Variants in PRDM5 observed in about 807,000 individuals in gnomAD.
The protein encoded by PRDM5 is PR/SET domain 5, also known as PR domain zinc finger protein 5.
Under a neutral mutation model 81.2 loss-of-function variants are expected in PRDM5, and 56 were observed. The observed-to-expected ratio is 0.69, with a 90% CI of 0.56 to 0.86. The LOEUF (loss-of-function observed/expected upper bound fraction) is 0.86, where lower values mean the gene tolerates loss of function less well. Ranked by LOEUF, PRDM5 falls within the 40% of genes least tolerant of loss-of-function variation. PRDM5 has a pLI of 0.00. For synonymous variants in PRDM5, 267 were observed against 256.4 expected (o/e 1.04, Z -0.39); for missense variants, 697 against 770.1 (o/e 0.91, Z 1.12).
chr4:120,838,399 T>G, intron 3 of PRDM5: 1 of 152,208 alleles, frequency 6.6e-6, no homozygotes, highest in East Asian at 1.9e-4. Flanking sequence ...AGCATATCCA[T>G]CATCTCAAAC....
At chr4:120,897,697 TTCTG>T (rs1327590448) in intron 2 of PRDM5, among the ~76,000 whole-genome samples, 7 of 152,240 alleles carry the variant, frequency 4.6e-5, no homozygotes, top group Admixed American at 3.9e-4. Flanking sequence ...TTTTCATTCA[TTCTG>T]TCTTTTGCTT....
chr4:120,702,022 A>G (rs1480940991), intron 15 of PRDM5, among the ~76,000 whole-genome samples: 1 of 152,134 alleles, frequency 6.6e-6, no homozygotes, highest in Non-Finnish European at 1.5e-5. Context: ...TGTGGGGGGT[A>G]TCTCACTGTC....
chr4:120,744,838 A>C (rs573695808), intron 14 of PRDM5, among the ~76,000 whole-genome samples: 27 of 145,840 alleles, frequency 1.9e-4, no homozygotes, highest in African/African-American at 6.7e-4. Context: ...TCACAGCCGA[A>C]TTCTACCAGA....
chr4:120,748,055 G>C (rs1431519335), intron 14 of PRDM5, among the ~76,000 whole-genome samples: 1 of 152,194 alleles, frequency 6.6e-6, no homozygotes, highest in African/African-American at 2.4e-5. Flanking sequence ...CTCAATGAGT[G>C]ACTGTTTTGG....
intron 2 of PRDM5, among the ~76,000 whole-genome samples, chr4:120,883,378 T>C (rs572864839): frequency 6.6e-6 from 1 of 152,272 alleles, no homozygotes; most frequent in South Asian, 2.1e-4. Flanking sequence ...TTAATGCAAC[T>C]CTTATTTTTA....
chr4:120,834,727 G>A (rs1757140937), intron 3 of PRDM5, among the ~76,000 whole-genome samples: 1 of 152,102 alleles, frequency 6.6e-6, no homozygotes, highest in African/African-American at 2.4e-5. Flanking sequence ...AAAAAGTGTA[G>A]GTGGGCCTCA....
At chr4:120,749,109 C>CA (rs1391086763) in intron 14 of PRDM5, among the ~76,000 whole-genome samples, 3 of 151,616 alleles carry the variant, frequency 2.0e-5, no homozygotes, top group African/African-American at 7.3e-5. Context: ...TTAATAATGA[C>CA]AAAAAGCTGA....
At chr4:120,905,332 A>T (rs1765677601) in intron 2 of PRDM5, among the ~76,000 whole-genome samples, 1 of 152,222 alleles carries the variant, frequency 6.6e-6, no homozygotes. Flanking sequence ...TTTTATGTAT[A>T]CTATGGATAG....
chr4:120,778,284 G>T (rs1748476560), intron 12 of PRDM5, among the ~76,000 whole-genome samples: 1 of 151,964 alleles, frequency 6.6e-6, no homozygotes, highest in Non-Finnish European at 1.5e-5. Flanking sequence ...TGCCTTTGTT[G>T]TTAAGAACAA....
intron 2 of PRDM5, among the ~76,000 whole-genome samples, chr4:120,902,626 A>T (rs1219772812): frequency 6.6e-6 from 1 of 152,206 alleles, no homozygotes; most frequent in Non-Finnish European, 1.5e-5. Context: ...GCTTTGTAAT[A>T]TGCCTGAGGC....
At chr4:120,708,148 T>C (rs1320071696) in intron 15 of PRDM5, among the ~76,000 whole-genome samples, 1 of 152,116 alleles carries the variant, frequency 6.6e-6, no homozygotes, top group Non-Finnish European at 1.5e-5. Flanking sequence ...CAATGCTAGG[T>C]ATATACCCCA....
chr4:120,868,402 C>A (rs1470073769), intron 2 of PRDM5, among the ~76,000 whole-genome samples: 3 of 152,104 alleles, frequency 2.0e-5, no homozygotes, highest in Non-Finnish European at 2.9e-5. Context: ...AAGCTACAAA[C>A]AACTTTACAT....
chr4:120,754,478 T>A (rs758646255), intron 14 of PRDM5, 75 bp downstream of exon 14: 1 of 1,029,458 alleles, frequency 9.7e-7, no homozygotes, highest in Admixed American at 2.0e-5. Flanking sequence ...TTTTGTAATA[T>A]AAAGTTAAAT....
chr4:120,897,881 G>C (rs917105046), intron 2 of PRDM5, among the ~76,000 whole-genome samples: 54 of 152,104 alleles, frequency 3.6e-4, no homozygotes, highest in Admixed American at 2.2e-3. Flanking sequence ...AACAGTCATG[G>C]TTATTATAAA....
chr4:120,864,020 T>C (rs1326623313), intron 2 of PRDM5, among the ~76,000 whole-genome samples: 1 of 152,208 alleles, frequency 6.6e-6, no homozygotes, highest in Non-Finnish European at 1.5e-5. Flanking sequence ...GAAATTTCAA[T>C]GGCTAAGACT....
chr4:120,777,128 C>T (rs1748275809), intron 13 of PRDM5, 60 bp downstream of exon 13: 2 of 1,611,768 alleles, frequency 1.2e-6, no homozygotes, highest in Admixed American at 3.3e-5. Context: ...TATTTCCTGT[C>T]TTGGAAGCAT....
intron 15 of PRDM5, among the ~76,000 whole-genome samples, chr4:120,707,406 AG>A (rs1187487189): frequency 6.6e-6 from 1 of 152,034 alleles, no homozygotes; most frequent in Non-Finnish European, 1.5e-5. Flanking sequence ...AAAATCCCTC[AG>A]AAAGCTAGGT....
In PRDM5 at chr4:120,693,834, C is replaced by T. The variant is rs1222934318; in HGVS notation, c.*1277G>A. 1 of 152,086 alleles carries T rather than the reference C, an allele frequency of 6.6e-6. No individual in the cohort carries two copies. The highest frequency in any genetic ancestry group is 2.4e-5 in the African/African-American group (1 of 41,430). 9.4% of individuals were successfully genotyped at this position (152,086 alleles called of 1,614,324 possible). On this transcript the variant is annotated 3_prime_UTR_variant, in exon 16 of 16. Coordinates refer to ENST00000264808, the MANE Select transcript of PRDM5 (RefSeq NM_018699.4). Reference sequence around the variant, plus strand: ...ACGTTTTTCTGGTTTTTGGATATTCCTCCAGGTTATTTTGACATCACTATT... The same window carrying T: ...ACGTTTTTCTGGTTTTTGGATATTCTTCCAGGTTATTTTGACATCACTATT...
chr4:120,739,406 G>A (rs542333322), intron 14 of PRDM5, among the ~76,000 whole-genome samples: 14 of 152,286 alleles, frequency 9.2e-5, no homozygotes, highest in Non-Finnish European at 1.8e-4. Flanking sequence ...TTATGTTCTA[G>A]ATGGGTAGTA....
Sources: gnomAD v4.1 joint callset for allele counts (sites outside exome capture counted in the v4.1 genomes callset) on GRCh38, gnomAD v4.1.1 for gene constraint, MANE v1.5 for transcripts, NCBI Gene and HGNC (gene_info 2026-07-23, HGNC 2026-07-21) for gene names.